Variants in CP observed in about 807,000 individuals in gnomAD.
The protein encoded by CP is caeruloplasmin.
In CP, 64 loss-of-function variants were observed where a neutral mutation model predicts 122.4. The observed-to-expected ratio is 0.52, with a 90% CI of 0.43 to 0.64. The LOEUF (loss-of-function observed/expected upper bound fraction) is 0.64. Among genes scored for constraint, CP ranks in the 30% least tolerant of loss-of-function variants. CP has a pLI of 0.00. For missense variants in CP, 1,167 were observed against 1,284.4 expected (o/e 0.91, Z 1.40); for synonymous variants, 440 against 436.4 (o/e 1.01, Z -0.10).
Position 149,188,136 on chromosome 3 carries a change from C to T in CP, c.1780G>A (p.Glu594Lys). 5 of 1,612,742 alleles carry T rather than the reference C, an allele frequency of 3.1e-6. No homozygotes were observed. Among genetic ancestry groups the T allele is most frequent in the African/African-American group, 2.7e-5 (2 of 74,992 alleles). The change falls in exon 10 of 19, where the codon GAA becomes AAA. Residue 594 changes from glutamate (E) to lysine (K), a missense_variant. Glu to Lys is a moderately conservative substitution (Grantham distance 56). Transcript: ENST00000264613. Reference sequence around the variant, plus strand: ...GTTGTAAACATTCTAATATTATCTTCCAGGAGTAAACTCTCATTCTCATCA... The same window carrying T: ...GTTGTAAACATTCTAATATTATCTTTCAGGAGTAAACTCTCATTCTCATCA... ...VFDENESLLL[E>K]DNIRMFTTAP...
chr3:149,221,330 C>T (rs190696241), intron 1 of CP, among the ~76,000 whole-genome samples: 1 of 152,232 alleles, frequency 6.6e-6, no homozygotes, highest in African/African-American at 2.4e-5. Flanking sequence ...ACATTGTATA[C>T]AGTAATTGTT....
At chr3:149,198,738 G>A (rs1244364140) in intron 8 of CP, among the ~76,000 whole-genome samples, 160 bp from the exon 9 acceptor site, 1 of 152,210 alleles carries the variant, frequency 6.6e-6, no homozygotes, top group African/African-American at 2.4e-5. Context: ...ATAACAGACC[G>A]ATGTGATTGC....
chr3:149,202,136 C>T lies in CP; in HGVS notation c.1314G>A (p.Glu438=). The T allele has an allele frequency of 6.2e-7, 1 of 1,614,124 alleles. No homozygotes were observed. The highest frequency in any genetic ancestry group is 8.5e-7 in the Non-Finnish European group (1 of 1,180,022). ...CAAGATGCTCTTCTTCAGGGCCTCT[C>T]TCCTTTCGATTTGTGAAGGAGGCAT... ...YTDASFTNRK[E]RGPEEEHLGI... The change falls in exon 7 of 19, where the codon GAG becomes GAA. Residue 438 remains glutamate, a synonymous_variant. Coordinates refer to ENST00000264613, the MANE Select transcript of CP (RefSeq NM_000096.4).
intron 1 of CP, 125 bp downstream of exon 1, chr3:149,221,522 G>A: frequency 1.3e-6 from 1 of 787,374 alleles, no homozygotes; most frequent in Non-Finnish European, 2.0e-6. Context: ...AAGTGTCTTG[G>A]GTTTCAAGCC....
chr3:149,193,827 T>C lies in CP; in HGVS notation c.1713+4540A>G, dbSNP rs765078677. On this transcript the variant is annotated intron_variant, in intron 9 of 18. Coordinates refer to ENST00000264613, the MANE Select transcript of CP (RefSeq NM_000096.4). ...AGTAGGGCAGGTATCATCTCCATTT[T>C]ACTGATGATTCAGATGGGCATGAGA... is the stretch of plus-strand genomic sequence containing the variant. Among the ~76,000 whole-genome samples the C allele has an allele frequency of 3.3e-5, 5 of 152,346 alleles. No homozygotes were observed. The Middle Eastern group carries it at 0.014, about 415-fold the overall frequency.
At chr3:149,209,434 T>G in intron 3 of CP, 50 bp from the exon 4 acceptor site, 1 of 1,541,906 alleles carries the variant, frequency 6.5e-7, no homozygotes, top group African/African-American at 1.4e-5. Flanking sequence ...AGCATGTATT[T>G]TGATTTATGT....
At chr3:149,221,621 T>C in intron 1 of CP, 26 bp downstream of exon 1, 1 of 1,604,318 alleles carries the variant, frequency 6.2e-7, no homozygotes, top group Non-Finnish European at 8.5e-7. Context: ...AATTTTGGTC[T>C]ATAAACAATA....
chr3:149,162,856 C>T (rs1724018415), exon 6 of CP: 7 of 1,613,726 alleles, frequency 4.3e-6, no homozygotes, highest in Non-Finnish European at 5.9e-6. Flanking sequence ...GACACCACAC[C>T]ATTGCGAACA....
At chr3:149,195,191 C>T (rs1428559870) in intron 9 of CP, among the ~76,000 whole-genome samples, 2 of 152,166 alleles carry the variant, frequency 1.3e-5, no homozygotes, top group East Asian at 1.9e-4. Context: ...TTTGTAATAA[C>T]GCTGTGGAAA....
Position 149,212,686 on chromosome 3 carries a change from A to C in CP, c.159T>G (p.Asn53Lys). Residue 53 changes from asparagine (N) to lysine (K), a missense_variant, in exon 2 of 19, where the codon AAT (asparagine) becomes AAG (lysine). This residue lies in a region of CP where 642 missense variants were observed against 627.3 expected (regional missense o/e 1.02). Transcript: ENST00000264613. ...TATCTGGGCCATTTTGAAGATAGAT[A>C]TTGGAATGTTCCCTGCAAAGAAAAA... ...KLISVDTEHS[N>K]IYLQNGPDRI... 6.2e-7 allele frequency: 1 copy of C among 1,613,670 alleles called. No individual in the cohort carries two copies. Among genetic ancestry groups the C allele is most frequent in the Non-Finnish European group, 8.5e-7 (1 of 1,179,876 alleles).
chr3:149,198,438 C>A lies in CP; in HGVS notation c.1642G>T (p.Asp548Tyr), dbSNP rs773082375. 6.8e-6 allele frequency: 11 copies of A among 1,612,316 alleles called. No homozygotes were observed. ...GGCCCAATAAGCCCAGTGAATATAT[C>A]TTTAGTGGGTTCCACAGCAGAATAA... Reference protein sequence around the residue: ...MYYSAVEPTKDIFTGLIGPMK... With the variant: ...MYYSAVEPTKYIFTGLIGPMK... The change falls in exon 9 of 19, where the codon GAT (aspartate) becomes TAT (tyrosine). Residue 548 changes from aspartate to tyrosine, a missense_variant. This residue lies in a region of CP where 525 missense variants were observed against 657.2 expected (regional missense o/e 0.80). Transcript: ENST00000264613.
intron 4 of CP, chr3:149,167,378 G>A (rs1724530237): frequency 5.6e-6 from 4 of 711,572 alleles, no homozygotes; most frequent in East Asian, 2.7e-5. Context: ...GAGCATATAT[G>A]TTTAATATGT....
Position 149,198,579 on chromosome 3 carries a change from C to T in CP, c.1502-1G>A. On this transcript the variant is annotated splice_acceptor_variant, in intron 8 of 18. Coordinates refer to ENST00000264613, the MANE Select transcript of CP (RefSeq NM_000096.4). LOFTEE classifies it high-confidence loss of function. ...ACATGGGAGGCTGAAGGAGGCACAC[C>T]TGTGAGAAAGGTCACATTAGAGAGG... The T allele has an allele frequency of 6.2e-7, 1 of 1,613,364 alleles. No individual in the cohort carries two copies.
chr3:149,180,718 TA>T (rs1725722054), intron 14 of CP, among the ~76,000 whole-genome samples: 1 of 152,224 alleles, frequency 6.6e-6, no homozygotes, highest in Non-Finnish European at 1.5e-5. Flanking sequence ...CACTAGAATA[TA>T]AAGTATTGAT....
rs543777038 is a variant in CP at position 149,207,478 on chromosome 3, C to T, written c.921G>A (p.Lys307=). ...AFFHGQALTN[K]NYRIDTINLF... is the part of the protein sequence containing the mutation. ...GGTTGATTGTGTCAATACGGTAGTT[C>T]TTGTTAGTCAGTGCTTGCCCGTGAA... Residue 307 remains lysine (K), a synonymous_variant, in exon 5 of 19, where the codon AAG becomes AAA. Coordinates refer to ENST00000264613, the MANE Select transcript of CP (RefSeq NM_000096.4). The T allele has an allele frequency of 1.9e-6, 3 of 1,613,962 alleles. No homozygotes were observed. The highest frequency in any genetic ancestry group is 3.3e-4 in the Middle Eastern group (2 of 6,062).
At chr3:149,165,433 A>G (rs941144351) in intron 5 of CP, among the ~76,000 whole-genome samples, 1 of 152,152 alleles carries the variant, frequency 6.6e-6, no homozygotes, top group African/African-American at 2.4e-5. Context: ...CTATTAAAGG[A>G]GCAAAATCTT....
intron 9 of CP, among the ~76,000 whole-genome samples, chr3:149,193,502 C>A (rs186260259): frequency 1.1e-4 from 17 of 152,138 alleles, no homozygotes; most frequent in Admixed American, 7.9e-4. Context: ...ACAATATATG[C>A]AATTGTGATC....
chr3:149,181,264 T>A lies in CP; in HGVS notation c.2554+741A>T, dbSNP rs1204498778. Among the ~76,000 whole-genome samples, 3 of 152,220 alleles carry A rather than the reference T, an allele frequency of 2.0e-5. No homozygotes were observed. In the East Asian group the frequency reaches 5.8e-4, roughly 29 times the overall value. On this transcript the variant is annotated intron_variant, in intron 14 of 18. Transcript: ENST00000264613. ...CTTTAGCCTCTGGCTGCCTTGCTGC[T>A]GCTCACACACACCAGGCATTGCTCC...
chr3:149,210,435 A>G, intron 2 of CP, 56 bp from the exon 3 acceptor site: 3 of 1,379,816 alleles, frequency 2.2e-6, no homozygotes, highest in Non-Finnish European at 3.1e-6. Context: ...CTTAAATGAG[A>G]GAATAGATAG....
Sources: gnomAD v4.1 joint callset for allele counts (sites outside exome capture counted in the v4.1 genomes callset) on GRCh38, gnomAD v4.1.1 for gene constraint, gnomAD v4.1.1 regional missense constraint, MANE v1.5 for transcripts, NCBI Gene and HGNC (gene_info 2026-07-23, HGNC 2026-07-21) for gene names.